The following JARID2 variants were observed in gnomAD, a reference collection of about 807,000 sequenced individuals.
The protein encoded by JARID2 is protein Jumonji.
JARID2 carries 21 observed loss-of-function variants against 125.6 expected under a neutral mutation model. The observed-to-expected ratio is 0.17, with a 90% CI of 0.12 to 0.24. The LOEUF is 0.24. Ranked by LOEUF, JARID2 falls within the 10% of genes least tolerant of loss-of-function variation. The pLI, the probability that JARID2 is intolerant of heterozygous loss-of-function variation, is 1.00. For missense variants in JARID2, 1,303 were observed against 1,639.6 expected, an observed-to-expected ratio of 0.79 and a Z score of 3.55; for synonymous variants, 736 against 661.6, an observed-to-expected ratio of 1.11 and a Z score of -1.73.
At chr6:15,405,353 GA>G (rs1765605543) in intron 2 of JARID2, among the ~76,000 whole-genome samples, 1 of 152,196 alleles carries the variant, frequency 6.6e-6, no homozygotes, top group East Asian at 1.9e-4. Context: ...AATTTCTTTA[GA>G]GTTCTCGGCT....
chr6:15,482,513 CAAA>C (rs985215869), intron 5 of JARID2, among the ~76,000 whole-genome samples: 1 of 152,022 alleles, frequency 6.6e-6, no homozygotes, highest in African/African-American at 2.4e-5. Context: ...AGTCCAAAAC[CAAA>C]AACTTATTAA....
At chr6:15,381,860 A>G (rs889815744) in intron 2 of JARID2, among the ~76,000 whole-genome samples, 1 of 152,282 alleles carries the variant, frequency 6.6e-6, no homozygotes, top group African/African-American at 2.4e-5. Flanking sequence ...TCAGTAAGCA[A>G]GAACAAAACA....
intron 1 of JARID2, among the ~76,000 whole-genome samples, chr6:15,317,939 C>T (rs1447298691): frequency 6.6e-6 from 1 of 152,192 alleles, no homozygotes; most frequent in Non-Finnish European, 1.5e-5. Context: ...CCTGCAAGTT[C>T]CAGCAGATGA....
intron 1 of JARID2, among the ~76,000 whole-genome samples, chr6:15,292,968 A>G (rs1262519647): frequency 6.6e-6 from 1 of 152,358 alleles, no homozygotes; most frequent in Admixed American, 6.5e-5. Flanking sequence ...CACCATGCCC[A>G]GCCTAAGTTG....
intron 1 of JARID2, among the ~76,000 whole-genome samples, chr6:15,268,789 A>G (rs890012310): frequency 6.6e-6 from 1 of 152,198 alleles, no homozygotes; most frequent in East Asian, 1.9e-4. Flanking sequence ...CGCAGCTGCA[A>G]AGAATTTGCT....
intron 3 of JARID2, among the ~76,000 whole-genome samples, chr6:15,441,342 T>G (rs7754755): frequency 0.41 from 61,577 of 152,040 alleles, 12,745 homozygotes; most frequent in South Asian, 0.48. Context: ...CAGATTTTAG[T>G]GCAGGTCCTA....
intron 2 of JARID2, among the ~76,000 whole-genome samples, chr6:15,395,506 C>A (rs941150786): frequency 6.6e-6 from 1 of 152,136 alleles, no homozygotes; most frequent in East Asian, 1.9e-4. Flanking sequence ...ACCTTGTGAT[C>A]CACCTGCCTC....
chr6:15,346,951 C>T (rs1763263588), intron 1 of JARID2, among the ~76,000 whole-genome samples: 1 of 151,934 alleles, frequency 6.6e-6, no homozygotes, highest in Non-Finnish European at 1.5e-5. Flanking sequence ...GGCTAGGCTG[C>T]TCTCGAACTC....
Position 15,510,392 on chromosome 6 carries a change from G to A in JARID2, c.2847-904G>A, listed in dbSNP as rs111787908. Among the ~76,000 whole-genome samples the A allele has an allele frequency of 5.6e-3, 850 of 152,290 alleles. 4 individuals carry two copies. The highest frequency in any genetic ancestry group is 8.2e-3 in the Non-Finnish European group (560 of 68,014). On this transcript the variant is annotated intron_variant, in intron 12 of 17. Coordinates refer to ENST00000341776, the MANE Select transcript of JARID2 (RefSeq NM_004973.4). Reference sequence around the variant, plus strand: ...GAGCCTGACACCAGGGGCGTCACACGTTGTGAGTGGAAGTGTGGCCCTGGT... The same window carrying A: ...GAGCCTGACACCAGGGGCGTCACACATTGTGAGTGGAAGTGTGGCCCTGGT...
At chr6:15,504,465 C>T in intron 8 of JARID2, 35 bp from the exon 9 acceptor site, 1 of 1,522,834 alleles carries the variant, frequency 6.6e-7, no homozygotes. Context: ...TTCAGCTTTG[C>T]TTCTGAAGCT....
chr6:15,502,295 C>T (rs1374714627), intron 8 of JARID2, among the ~76,000 whole-genome samples: 1 of 152,252 alleles, frequency 6.6e-6, no homozygotes, highest in Non-Finnish European at 1.5e-5. Context: ...TCCAGCCTGC[C>T]AGTGGGTAGC....
intron 2 of JARID2, chr6:15,401,148 A>T: frequency 9.2e-7 from 1 of 1,086,140 alleles, no homozygotes; most frequent in Non-Finnish European, 1.2e-6. Context: ...TGTGGATGGC[A>T]AGGTGCTATA....
At chr6:15,517,468 G>A (rs1465619624) in intron 17 of JARID2, among the ~76,000 whole-genome samples, 200 bp downstream of exon 17, 1 of 152,202 alleles carries the variant, frequency 6.6e-6, no homozygotes, top group African/African-American at 2.4e-5. Context: ...TTCCTGCACG[G>A]GCATTTGGAT....
chr6:15,443,625 A>G (rs569657496), intron 3 of JARID2, among the ~76,000 whole-genome samples: 2 of 152,336 alleles, frequency 1.3e-5, no homozygotes, highest in South Asian at 4.1e-4. Flanking sequence ...TACTTCTCCA[A>G]AATAATCAGG....
intron 1 of JARID2, among the ~76,000 whole-genome samples, chr6:15,350,523 T>G (rs78902892): frequency 0.015 from 2,287 of 152,274 alleles, 54 homozygotes; most frequent in African/African-American, 0.051. Context: ...TGCTCGGTAT[T>G]CACATTTTAA....
chr6:15,428,487 T>C (rs1766827495), intron 3 of JARID2, among the ~76,000 whole-genome samples: 1 of 152,182 alleles, frequency 6.6e-6, no homozygotes, highest in Admixed American at 6.5e-5. Context: ...GTTCTCATTG[T>C]TCAATTCCCA....
At chr6:15,250,534 C>T (rs1759405549) in intron 1 of JARID2, among the ~76,000 whole-genome samples, 1 of 152,154 alleles carries the variant, frequency 6.6e-6, no homozygotes, top group Non-Finnish European at 1.5e-5. Flanking sequence ...GCTCCTATCA[C>T]TGTACAGGGA....
chr6:15,291,003 A>G (rs1489307380), intron 1 of JARID2, among the ~76,000 whole-genome samples: 3 of 152,184 alleles, frequency 2.0e-5, no homozygotes, highest in Non-Finnish European at 4.4e-5. Context: ...AGGCTGAGGC[A>G]GTGCGAGATC....
chr6:15,440,170 G>C (rs1419469187), intron 3 of JARID2, among the ~76,000 whole-genome samples: 1 of 152,210 alleles, frequency 6.6e-6, no homozygotes, highest in Non-Finnish European at 1.5e-5. Context: ...ATGTCCTGCA[G>C]ATACTCACTG....
Sources: allele counts gnomAD v4.1 joint callset (sites outside exome capture counted in the v4.1 genomes callset), GRCh38; gene constraint gnomAD v4.1.1; transcripts MANE v1.5; gene names NCBI Gene and HGNC (gene_info 2026-07-23, HGNC 2026-07-21).